The following PVT1 variants were observed in gnomAD, a reference collection of about 807,000 sequenced individuals.
PVT1 encodes Pvt1 oncogene, also known as CXCR4/PVT1 fusion.
At chr8:127,874,922 G>C (rs1815388842) in intron 2 of PVT1, among the ~76,000 whole-genome samples, 1 of 150,490 alleles carries the variant, frequency 6.6e-6, no homozygotes, top group Admixed American at 6.6e-5. Flanking sequence ...GTGTGTGTGT[G>C]TGTGTGTGTG....
chr8:127,881,617 C>T (rs577218548), intron 2 of PVT1, among the ~76,000 whole-genome samples: 71 of 151,862 alleles, frequency 4.7e-4, no homozygotes, highest in Non-Finnish European at 8.8e-4. Context: ...CCACCACACT[C>T]AGCTAATTTT....
At chr8:127,884,448 G>C (rs1010596054) in intron 2 of PVT1, among the ~76,000 whole-genome samples, 1 of 152,202 alleles carries the variant, frequency 6.6e-6, no homozygotes, top group Admixed American at 6.5e-5. Context: ...CTTGTCTTCT[G>C]GTGAACATAT....
chr8:127,952,702 T>G (rs770227526), intron 3 of PVT1, among the ~76,000 whole-genome samples: 1 of 152,198 alleles, frequency 6.6e-6, no homozygotes, highest in Non-Finnish European at 1.5e-5. Flanking sequence ...AGAGGCACAG[T>G]CTGGGGAGCT....
At chr8:127,829,642 T>C (rs1407293636) in intron 2 of PVT1, among the ~76,000 whole-genome samples, 1 of 152,188 alleles carries the variant, frequency 6.6e-6, no homozygotes, top group East Asian at 1.9e-4. Flanking sequence ...AGTATGAACT[T>C]GAGAAAGAGA....
chr8:127,954,936 A>G (rs1048335440), intron 3 of PVT1, among the ~76,000 whole-genome samples: 24 of 152,132 alleles, frequency 1.6e-4, no homozygotes, highest in Admixed American at 2.6e-4. Flanking sequence ...TTTAGGATGA[A>G]TTATGTTTGG....
At chr8:127,998,815 C>T (rs1244106451) in intron 4 of PVT1, among the ~76,000 whole-genome samples, 3 of 121,450 alleles carry the variant, frequency 2.5e-5, no homozygotes. Flanking sequence ...TCTTCTCCTC[C>T]TCCCCTTCCT....
intron 2 of PVT1, among the ~76,000 whole-genome samples, chr8:127,811,953 A>C (rs866166733): frequency 6.6e-6 from 1 of 151,978 alleles, no homozygotes; most frequent in African/African-American, 2.4e-5. Flanking sequence ...TGCTTAAAGA[A>C]ATGAACCTTC....
intron 4 of PVT1, among the ~76,000 whole-genome samples, chr8:128,056,639 TCTC>T (rs973232287): frequency 4.6e-5 from 7 of 152,076 alleles, no homozygotes; most frequent in African/African-American, 1.7e-4. Context: ...CCTAGTGCCT[TCTC>T]CACCACACGA....
exon 3 of PVT1, chr8:127,890,791 A>C (rs1815591189): frequency 6.6e-6 from 1 of 152,282 alleles, no homozygotes; most frequent in Admixed American, 6.5e-5. Context: ...AGTGGTTTTA[A>C]GGGAGGCTGT....
chr8:127,972,524 G>T (rs1816775760), intron 3 of PVT1, among the ~76,000 whole-genome samples: 1 of 152,072 alleles, frequency 6.6e-6, no homozygotes, highest in African/African-American at 2.4e-5. Context: ...CGGATCACAA[G>T]GTCAGGAGTT....
intron 2 of PVT1, among the ~76,000 whole-genome samples, chr8:127,878,692 A>T (rs11776185): frequency 0.17 from 25,614 of 152,156 alleles, 2,323 homozygotes; most frequent in East Asian, 0.38. Flanking sequence ...TAACCCTGGG[A>T]TCCTTATTGG....
At chr8:127,957,965 C>G (rs1051650128) in intron 3 of PVT1, among the ~76,000 whole-genome samples, 6 of 152,220 alleles carry the variant, frequency 3.9e-5, no homozygotes, top group Non-Finnish European at 8.8e-5. Flanking sequence ...GCCATGGTTT[C>G]TAATTCCCTG....
intron 3 of PVT1, among the ~76,000 whole-genome samples, chr8:127,949,115 GGA>G (rs1816463120): frequency 6.6e-6 from 1 of 152,204 alleles, no homozygotes; most frequent in South Asian, 2.1e-4. Flanking sequence ...TTACAGGTGA[GGA>G]GAGTGGAGCA....
At chr8:127,858,575 C>G (rs1439679524) in intron 2 of PVT1, among the ~76,000 whole-genome samples, 1 of 151,838 alleles carries the variant, frequency 6.6e-6, no homozygotes, top group Non-Finnish European at 1.5e-5. Flanking sequence ...GGCCAAAAGG[C>G]CAGATGTCAA....
chr8:127,917,549 C>A (rs1824773538), intron 3 of PVT1, among the ~76,000 whole-genome samples: 1 of 152,220 alleles, frequency 6.6e-6, no homozygotes, highest in African/African-American at 2.4e-5. Flanking sequence ...CCACAGTAAT[C>A]TATGATGTGG....
At chr8:127,972,947 C>G (rs1816780743) in intron 3 of PVT1, among the ~76,000 whole-genome samples, 1 of 152,180 alleles carries the variant, frequency 6.6e-6, no homozygotes, top group Admixed American at 6.5e-5. Flanking sequence ...TTCTGTCACA[C>G]AGGTTGGAGT....
intron 3 of PVT1, among the ~76,000 whole-genome samples, chr8:127,929,718 A>T (rs1194797646): frequency 1.3e-5 from 2 of 152,026 alleles, no homozygotes; most frequent in East Asian, 3.9e-4. Flanking sequence ...CAGTGAGCCG[A>T]GATCGCACCA....
At chr8:127,906,930 C>T (rs1815829610) in intron 3 of PVT1, among the ~76,000 whole-genome samples, 1 of 151,876 alleles carries the variant, frequency 6.6e-6, no homozygotes, top group Non-Finnish European at 1.5e-5. Flanking sequence ...AGCTGGGATT[C>T]CCAGCCTTCC....
In PVT1 at chr8:128,064,364, A is replaced by G. The variant is rs547969028; in HGVS notation, n.913-5796A>G. ...CGTGGGCAGAAGCACATTTGCACAC[A>G]TGCAAAATGTAAGCCATGCACCGTC... On this transcript the variant is annotated intron_variant and non_coding_transcript_variant, in intron 4 of 10. Coordinates refer to ENST00000651587, the Ensembl canonical transcript of PVT1. 7.9e-4 allele frequency among the ~76,000 whole-genome samples: 121 copies of G among 152,362 alleles called. 3 individuals are homozygous for G. The South Asian group carries it at 0.024, about 30-fold the overall frequency.
Sources: allele counts gnomAD v4.1 joint callset (sites outside exome capture counted in the v4.1 genomes callset), GRCh38; gene constraint gnomAD v4.1.1; transcripts MANE v1.5; gene names NCBI Gene and HGNC (gene_info 2026-07-23, HGNC 2026-07-21).